The following CLMP variants were observed in gnomAD, a reference collection of about 807,000 sequenced individuals.
CLMP encodes CXADR like cell adhesion molecule.
Under a neutral mutation model 45.2 loss-of-function variants are expected in CLMP, and 27 were observed. The ratio of observed to expected loss-of-function variants is 0.60; its 90% CI spans 0.44 to 0.82. The LOEUF (loss-of-function observed/expected upper bound fraction) is 0.82. CLMP is among the 40% of genes least tolerant of loss of function. The pLI is 0.00. For missense variants in CLMP, 403 were observed against 448.4 expected (o/e 0.90, Z 0.91); for synonymous variants, 167 against 171.4 (o/e 0.97, Z 0.20).
chr11:123,184,384 C>T (rs958274630), intron 1 of CLMP, among the ~76,000 whole-genome samples: 4 of 152,192 alleles, frequency 2.6e-5, no homozygotes, highest in Non-Finnish European at 4.4e-5. Context: ...CATGAGCCAC[C>T]GTGCCCAGCC....
chr11:123,172,214 T>C (rs983044220), intron 1 of CLMP, among the ~76,000 whole-genome samples: 1 of 152,010 alleles, frequency 6.6e-6, no homozygotes, highest in Admixed American at 6.6e-5. Context: ...TGGGGTCAAG[T>C]GATTCTCCTG....
chr11:123,165,870 T>C (rs958798809), intron 1 of CLMP, among the ~76,000 whole-genome samples: 4 of 152,180 alleles, frequency 2.6e-5, no homozygotes, highest in African/African-American at 9.7e-5. Context: ...CAAGGTGATG[T>C]AGAGAGGCCG....
In CLMP at chr11:123,118,989, CTTTCTTTCTT is replaced by C. The variant is rs1565387877; in HGVS notation, c.29-21047_29-21038del. 3.2e-3 allele frequency among the ~76,000 whole-genome samples: 145 copies of C among 44,992 alleles called. 5 individuals carry two copies. The highest frequency in any genetic ancestry group is 4.5e-3 in the Admixed American group (16 of 3,582). 29.5% of individuals were successfully genotyped at this position (44,992 alleles called of 152,430 possible). On this transcript the variant is annotated intron_variant, in intron 1 of 6. Transcript: ENST00000448775. ...TCTTTCTTTCTTTCTTTCTTTCTTT[CTTTCTTTCTT>C]TCTCTCTCTCTCTCTCTCTCTCTCT... is the stretch of plus-strand genomic sequence containing the variant.
intron 1 of CLMP, among the ~76,000 whole-genome samples, chr11:123,108,066 C>G (rs997987386): frequency 2.6e-5 from 4 of 152,006 alleles, no homozygotes; most frequent in African/African-American, 9.7e-5. Flanking sequence ...GAATTCTAGA[C>G]GGAGGGAGCA....
At chr11:123,143,521 C>CG (rs58159601) in intron 1 of CLMP, among the ~76,000 whole-genome samples, 25,310 of 144,442 alleles carry the variant, frequency 0.18, 2,285 homozygotes, top group African/African-American at 0.24. Context: ...CTATGGGGGG[C>CG]GGGGGGGGCA....
Position 123,126,222 on chromosome 11 carries a change from C to T in CLMP, c.29-28270G>A, listed in dbSNP as rs188744282. Among the ~76,000 whole-genome samples, 12 of 152,258 alleles carry T rather than the reference C, an allele frequency of 7.9e-5. No homozygotes were observed. The East Asian group carries it at 2.1e-3, about 27-fold the overall frequency. On this transcript the variant is annotated intron_variant, in intron 1 of 6. Coordinates refer to ENST00000448775, the MANE Select transcript of CLMP (RefSeq NM_024769.5). ...ATATAGTGTCTCATCTTTTCTCCTA[C>T]TGCATGTTAAATTCCCCAGGCAGGG...
intron 1 of CLMP, among the ~76,000 whole-genome samples, chr11:123,156,065 T>G (rs958097028): frequency 4.6e-5 from 7 of 152,140 alleles, no homozygotes; most frequent in African/African-American, 1.7e-4. Context: ...ATGGGGCCAT[T>G]AAGGAAGTAA....
At chr11:123,080,003 A>G (rs925574878) in intron 5 of CLMP, among the ~76,000 whole-genome samples, 3 of 152,210 alleles carry the variant, frequency 2.0e-5, no homozygotes, top group Admixed American at 6.5e-5. Context: ...CCCTGTTCCT[A>G]GGCTTGACTG....
intron 2 of CLMP, among the ~76,000 whole-genome samples, chr11:123,089,016 A>G (rs1565379129): frequency 6.6e-6 from 1 of 152,228 alleles, no homozygotes; most frequent in Non-Finnish European, 1.5e-5. Flanking sequence ...GCTGTGGTCC[A>G]AAGTAGAGTC....
At chr11:123,159,690 A>G (rs1412828889) in intron 1 of CLMP, among the ~76,000 whole-genome samples, 1 of 152,186 alleles carries the variant, frequency 6.6e-6, no homozygotes, top group Non-Finnish European at 1.5e-5. Context: ...GCACACAGGA[A>G]GGGTGGTTTT....
chr11:123,111,883 G>A (rs1284377460), intron 1 of CLMP, among the ~76,000 whole-genome samples: 1 of 152,130 alleles, frequency 6.6e-6, no homozygotes, highest in African/African-American at 2.4e-5. Flanking sequence ...TCCAACTGAA[G>A]CAGATGTTTA....
chr11:123,108,521 A>T (rs75546972), intron 1 of CLMP, among the ~76,000 whole-genome samples: 10,455 of 152,016 alleles, frequency 0.069, 490 homozygotes, highest in African/African-American at 0.13. Context: ...GGGGGGCCGG[A>T]TATTGAGCTT....
intron 1 of CLMP, among the ~76,000 whole-genome samples, chr11:123,166,940 C>T (rs1837521248): frequency 6.6e-6 from 1 of 151,252 alleles, no homozygotes; most frequent in African/African-American, 2.4e-5. Flanking sequence ...CAAAATAAAA[C>T]TAAAAAAAAA....
At chr11:123,085,772 TTTTTTTTTTTG>T (rs1865858545) in intron 2 of CLMP, among the ~76,000 whole-genome samples, 2 of 147,428 alleles carry the variant, frequency 1.4e-5, no homozygotes, top group Admixed American at 7.0e-5. Context: ...TTTTTATGTT[TTTTTTTTTTTG>T]TTTTTTTTTT....
At chr11:123,119,842 A>G (rs1433792368) in intron 1 of CLMP, among the ~76,000 whole-genome samples, 1 of 152,006 alleles carries the variant, frequency 6.6e-6, no homozygotes, top group African/African-American at 2.4e-5. Context: ...ACACGCCACC[A>G]AGCCCAGCTA....
intron 1 of CLMP, among the ~76,000 whole-genome samples, chr11:123,150,668 G>C (rs1458110575): frequency 1.3e-5 from 2 of 152,126 alleles, no homozygotes. Context: ...AAGTGGATAG[G>C]AGGTAGAATA....
At chr11:123,156,624 T>C (rs957490719) in intron 1 of CLMP, among the ~76,000 whole-genome samples, 8 of 152,356 alleles carry the variant, frequency 5.3e-5, no homozygotes, top group African/African-American at 1.4e-4. Context: ...ATTGCCATTT[T>C]GTACAGCTGG....
intron 1 of CLMP, among the ~76,000 whole-genome samples, chr11:123,111,996 C>T (rs1860645744): frequency 1.3e-5 from 2 of 152,000 alleles, no homozygotes; most frequent in South Asian, 4.1e-4. Flanking sequence ...AAGTGATGCC[C>T]CTGGCTCGGA....
chr11:123,093,885 C>T (rs1205928332), intron 2 of CLMP, among the ~76,000 whole-genome samples: 1 of 152,140 alleles, frequency 6.6e-6, no homozygotes, highest in Non-Finnish European at 1.5e-5. Flanking sequence ...AACTTTCTGG[C>T]AGTCATTCTG....
Sources: gnomAD v4.1 joint callset for allele counts (sites outside exome capture counted in the v4.1 genomes callset) on GRCh38, gnomAD v4.1.1 for gene constraint, MANE v1.5 for transcripts, NCBI Gene and HGNC (gene_info 2026-07-23, HGNC 2026-07-21) for gene names.